Variants in USP3 observed in about 807,000 individuals in gnomAD.
USP3 encodes the protein ubiquitin carboxyl-terminal hydrolase 3.
Under a neutral mutation model 72.3 loss-of-function variants are expected in USP3, and 20 were observed. The observed-to-expected ratio is 0.28, with a 90% CI of 0.19 to 0.40. The LOEUF (loss-of-function observed/expected upper bound fraction) is 0.40. Ranked by LOEUF, USP3 falls within the 10% of genes least tolerant of loss-of-function variation. USP3 has a pLI of 1.00. For missense variants in USP3, 479 were observed against 633.9 expected (o/e 0.76, Z 2.62); for synonymous variants, 222 against 225.3 (o/e 0.99, Z 0.13).
chr15:63,529,157 C>A lies in USP3; in HGVS notation c.92-3490C>A. 2 of 818,638 alleles carry A rather than the reference C, an allele frequency of 2.4e-6. No individual in the cohort carries two copies. Among genetic ancestry groups the A allele is most frequent in the Non-Finnish European group, 3.6e-6 (2 of 562,110 alleles). 50.7% of individuals were successfully genotyped at this position (818,638 alleles called of 1,614,324 possible). A position where few individuals can be genotyped will look rare whatever the true frequency, so the allele number is the denominator to read the frequency against. On this transcript the variant is annotated intron_variant, in intron 1 of 14. Transcript: ENST00000380324. The surrounding 1 kb of genome is among the most constrained non-coding windows in gnomAD (Gnocchi z 4.2). ...GGGACTACAGATGCAATCACCACCA[C>A]ACTTGGCAGGTAGTAAAGTGGTTTT... is the stretch of plus-strand genomic sequence containing the variant.
intron 3 of USP3, among the ~76,000 whole-genome samples, chr15:63,539,142 C>T (rs2066204863): frequency 6.6e-6 from 1 of 151,596 alleles, no homozygotes; most frequent in East Asian, 1.9e-4. Context: ...CCTCAGGAAA[C>T]TTATATACTA....
chr15:63,562,718 T>G (rs1337369356), intron 7 of USP3, among the ~76,000 whole-genome samples, 177 bp from the exon 8 acceptor site: 3 of 152,262 alleles, frequency 2.0e-5, no homozygotes, highest in Admixed American at 2.0e-4. Context: ...TCAGAATTAC[T>G]GCTACTTTTA....
At chr15:63,585,172 CTT>C (rs2067034911) in intron 11 of USP3, among the ~76,000 whole-genome samples, 1 of 152,124 alleles carries the variant, frequency 6.6e-6, no homozygotes, top group Non-Finnish European at 1.5e-5. Flanking sequence ...AGTCCTATAA[CTT>C]TGTTGTTCTT....
chr15:63,515,286 A>C (rs1353609758), intron 1 of USP3, among the ~76,000 whole-genome samples: 1 of 152,238 alleles, frequency 6.6e-6, no homozygotes, highest in East Asian at 1.9e-4. Context: ...AACCATAACA[A>C]ATTTGTTTAG....
At chr15:63,557,390 G>A (rs2066530536) in intron 5 of USP3, among the ~76,000 whole-genome samples, 1 of 152,076 alleles carries the variant, frequency 6.6e-6, no homozygotes, top group African/African-American at 2.4e-5. Context: ...AACCTCCCAA[G>A]TAGCTGGGAT....
chr15:63,531,765 T>G (rs1445810400), intron 1 of USP3, among the ~76,000 whole-genome samples: 2 of 152,176 alleles, frequency 1.3e-5, no homozygotes, highest in African/African-American at 2.4e-5. Context: ...CCTGTGTGGT[T>G]GTGCTGCAGT....
At chr15:63,585,469 A>G (rs1173441744) in intron 11 of USP3, among the ~76,000 whole-genome samples, 2 of 152,174 alleles carry the variant, frequency 1.3e-5, no homozygotes, top group African/African-American at 2.4e-5. Flanking sequence ...TGATGCTACT[A>G]TAAATGGAAT....
chr15:63,527,523 A>C (rs997778464), intron 1 of USP3, among the ~76,000 whole-genome samples: 4 of 152,186 alleles, frequency 2.6e-5, no homozygotes, highest in African/African-American at 9.7e-5. Flanking sequence ...TTTGTCCAAA[A>C]ATTTAGAATT....
intron 1 of USP3, among the ~76,000 whole-genome samples, chr15:63,509,610 A>G (rs2065756697): frequency 6.6e-6 from 1 of 152,182 alleles, no homozygotes; most frequent in Non-Finnish European, 1.5e-5. Context: ...AAAAAGTAGT[A>G]TTTGAGTTTT....
chr15:63,514,683 C>A (rs952055179), intron 1 of USP3, among the ~76,000 whole-genome samples: 1 of 152,062 alleles, frequency 6.6e-6, no homozygotes, highest in African/African-American at 2.4e-5. Flanking sequence ...TTAAGAGGTC[C>A]CTAAACCTCT....
intron 11 of USP3, among the ~76,000 whole-genome samples, chr15:63,585,801 T>TG (rs386383262): frequency 1.9e-3 from 2 of 1,036 alleles, no homozygotes; most frequent in Non-Finnish European, 0.091. Context: ...GTGTCTAGAA[T>TG]TTTTTTTTTT....
At position 63,562,940 on chromosome 15, in the gene USP3, A is replaced by T; in HGVS notation, c.693A>T (p.Gln231His). 1 of 1,613,006 alleles carries T rather than the reference A, an allele frequency of 6.2e-7. No homozygotes were observed. Among genetic ancestry groups the T allele is most frequent in the Non-Finnish European group, 8.5e-7 (1 of 1,179,602 alleles). Residue 231 changes from glutamine to histidine, a missense_variant, in exon 8 of 15, where the codon CAA becomes CAT. Transcript: ENST00000380324. ...GAAAGACACTCTGTGCTTTATGGCA[A>T]GGCAGCCAGACTGCATTTAGCCCAG... ...EFRKTLCALW[Q>H]GSQTAFSPES... is the part of the protein sequence containing the mutation.
chr15:63,593,660 T>C lies in USP3; in HGVS notation c.*2834T>C, dbSNP rs997807589. 2.6e-5 allele frequency: 4 copies of C among 152,360 alleles called. No individual in the cohort carries two copies. In the South Asian group the frequency reaches 6.2e-4, roughly 24 times the overall value. The allele number at this position is 152,360 out of a possible 1,614,324, so 9.4% of individuals were successfully genotyped here. On this transcript the variant is annotated 3_prime_UTR_variant, in exon 15 of 15. Transcript: ENST00000380324. ...GTGTGAAGATTCTTTAGAAAAGTGA[T>C]TGGATCCATCTCAATTGTGCACTTG...
At chr15:63,568,062 G>T (rs896170757) in intron 8 of USP3, among the ~76,000 whole-genome samples, 2 of 152,036 alleles carry the variant, frequency 1.3e-5, no homozygotes, top group African/African-American at 4.8e-5. Context: ...GTTAAAATTG[G>T]AGCCATAGTT....
intron 2 of USP3, among the ~76,000 whole-genome samples, chr15:63,536,297 G>A (rs1567101389): frequency 6.6e-6 from 1 of 152,130 alleles, no homozygotes; most frequent in Non-Finnish European, 1.5e-5. Flanking sequence ...AGCTATATTG[G>A]TGAGAGATGG....
intron 1 of USP3, among the ~76,000 whole-genome samples, chr15:63,531,102 A>G (rs982077): frequency 0.49 from 74,096 of 152,100 alleles, 18,979 homozygotes; most frequent in Non-Finnish European, 0.56. Context: ...CAAAGCTTTC[A>G]TGTTCAAAAC....
At chr15:63,547,918 G>A (rs2066375166) in intron 3 of USP3, among the ~76,000 whole-genome samples, 1 of 151,120 alleles carries the variant, frequency 6.6e-6, no homozygotes, top group Admixed American at 6.6e-5. Flanking sequence ...GGCATATAGT[G>A]GCTCATGCCT....
chr15:63,558,217 T>G (rs769522786), intron 6 of USP3, 29 bp downstream of exon 6: 9 of 1,612,934 alleles, frequency 5.6e-6, no homozygotes, highest in Non-Finnish European at 7.6e-6. Context: ...CTTAAGTGTC[T>G]GACATTAAAG....
At chr15:63,531,602 G>A (rs2152658612) in intron 1 of USP3, among the ~76,000 whole-genome samples, 1 of 152,262 alleles carries the variant, frequency 6.6e-6, no homozygotes, top group African/African-American at 2.4e-5. Flanking sequence ...TTTTAACAGT[G>A]AGAAAGGCCT....
Sources: gnomAD v4.1 joint callset for allele counts (sites outside exome capture counted in the v4.1 genomes callset) on GRCh38, gnomAD v4.1.1 for gene constraint, Gnocchi (gnomAD v3.1) non-coding constraint, MANE v1.5 for transcripts, NCBI Gene and HGNC (gene_info 2026-07-23, HGNC 2026-07-21) for gene names.